LINGO2: variants seen among roughly 807,000 people sequenced by gnomAD.
The protein encoded by LINGO2 is leucine rich repeat and Ig domain containing 2, also known as leucine-rich repeat and immunoglobulin-like domain-containing nogo receptor-interacting protein 2.
LINGO2 carries 14 observed loss-of-function variants against 30.6 expected under a neutral mutation model. The ratio of observed to expected loss-of-function variants is 0.46; its 90% confidence interval spans 0.30 to 0.72. LINGO2 has a LOEUF of 0.72. Among genes scored for constraint, LINGO2 ranks in the 30% least tolerant of loss-of-function variants. The pLI, the probability that LINGO2 is intolerant of heterozygous loss-of-function variation, is 0.07. For synonymous variants in LINGO2, 317 were observed against 288.5 expected (o/e 1.10, Z -1.00); for missense variants, 729 against 751.7 (o/e 0.97, Z 0.35).
intron 3 of LINGO2, among the ~76,000 whole-genome samples, chr9:28,366,688 G>C (rs1028705307): frequency 6.6e-6 from 1 of 151,102 alleles, no homozygotes; most frequent in East Asian, 2.0e-4. Flanking sequence ...AAAAAAAAAA[G>C]AGTTACTTTC....
At chr9:28,037,685 G>A (rs1221018792) in intron 4 of LINGO2, among the ~76,000 whole-genome samples, 1 of 152,208 alleles carries the variant, frequency 6.6e-6, no homozygotes, top group Non-Finnish European at 1.5e-5. Flanking sequence ...AGCCAGAATT[G>A]CCATGGAAGG....
chr9:28,512,610 T>C (rs1820446167), intron 1 of LINGO2, among the ~76,000 whole-genome samples: 2 of 4,288 alleles, frequency 4.7e-4, no homozygotes, highest in Non-Finnish European at 3.3e-3. Context: ...TATATATATA[T>C]ATATATATAT....
At chr9:28,498,633 C>G (rs9298898) in intron 1 of LINGO2, among the ~76,000 whole-genome samples, 107,515 of 151,932 alleles carry the variant, frequency 0.71, 38,159 homozygotes, top group South Asian at 0.79. Flanking sequence ...GTCCTGCTTC[C>G]GCTCACACTC....
chr9:29,084,025 C>G, the LINGO2 span, among the ~76,000 whole-genome samples: 1 of 151,834 alleles, frequency 6.6e-6, no homozygotes, highest in Admixed American at 6.6e-5. Context: ...TGGAAGAATT[C>G]AAATAGGAAA....
chr9:28,049,161 T>A (rs144611725), intron 4 of LINGO2, among the ~76,000 whole-genome samples: 1 of 150,992 alleles, frequency 6.6e-6, no homozygotes, highest in African/African-American at 2.4e-5. Flanking sequence ...CAATGCATCA[T>A]GGGACAACAT....
At chr9:27,977,604 A>G (rs919257915) in intron 5 of LINGO2, among the ~76,000 whole-genome samples, 4 of 152,002 alleles carry the variant, frequency 2.6e-5, no homozygotes, top group African/African-American at 4.8e-5. Context: ...AGAAATAAAA[A>G]AGGAGTGTGA....
intron 4 of LINGO2, among the ~76,000 whole-genome samples, chr9:28,053,551 G>T (rs980613334): frequency 6.6e-6 from 1 of 152,056 alleles, no homozygotes; most frequent in Non-Finnish European, 1.5e-5. Flanking sequence ...CGGGATATCA[G>T]CTTGCTACAG....
the LINGO2 span, among the ~76,000 whole-genome samples, chr9:28,883,352 T>G: frequency 6.6e-6 from 1 of 151,860 alleles, no homozygotes; most frequent in South Asian, 2.1e-4. Flanking sequence ...CTTTTTAAAT[T>G]GCTGTACGTG....
chr9:28,501,733 C>A (rs1819895288), intron 1 of LINGO2, among the ~76,000 whole-genome samples: 1 of 152,014 alleles, frequency 6.6e-6, no homozygotes, highest in African/African-American at 2.4e-5. Context: ...CCAGCTGATA[C>A]TTGAAAAACG....
the LINGO2 span, among the ~76,000 whole-genome samples, chr9:29,087,254 C>T: frequency 6.6e-6 from 1 of 152,126 alleles, no homozygotes; most frequent in East Asian, 1.9e-4. Context: ...GTAAGTTCTA[C>T]AAGACTCAGT....
chr9:28,529,088 AG>A (rs1190542941), intron 1 of LINGO2, among the ~76,000 whole-genome samples: 3 of 152,132 alleles, frequency 2.0e-5, no homozygotes, highest in Non-Finnish European at 4.4e-5. Flanking sequence ...TTCTTTCTTT[AG>A]GAACTCCTGG....
intron 5 of LINGO2, among the ~76,000 whole-genome samples, chr9:27,998,270 T>C (rs1053687476): frequency 6.6e-6 from 1 of 152,186 alleles, no homozygotes; most frequent in Non-Finnish European, 1.5e-5. Context: ...CTGACTCTTT[T>C]GGAATGCTCA....
At chr9:28,620,311 AAAGT>A (rs1554646441) in intron 1 of LINGO2, among the ~76,000 whole-genome samples, 6 of 152,110 alleles carry the variant, frequency 3.9e-5, no homozygotes, top group South Asian at 4.1e-4. Flanking sequence ...AAGCAGAGTT[AAAGT>A]AAGAGTTTGA....
intron 1 of LINGO2, among the ~76,000 whole-genome samples, chr9:28,631,805 A>C (rs903792848): frequency 4.6e-5 from 7 of 152,122 alleles, no homozygotes; most frequent in African/African-American, 1.7e-4. Flanking sequence ...ATCCCTCTTG[A>C]GGCAGTTCTC....
At chr9:28,027,055 C>T (rs1025095641) in intron 4 of LINGO2, among the ~76,000 whole-genome samples, 3 of 152,194 alleles carry the variant, frequency 2.0e-5, no homozygotes, top group African/African-American at 7.2e-5. Context: ...TTCTCATTCA[C>T]TTAACAAACT....
the LINGO2 span, among the ~76,000 whole-genome samples, chr9:28,746,649 T>C: frequency 6.6e-6 from 1 of 151,986 alleles, no homozygotes; most frequent in Non-Finnish European, 1.5e-5. Context: ...CTATAAAATA[T>C]GGAGAATAAT....
the LINGO2 span, among the ~76,000 whole-genome samples, chr9:28,848,694 AGAGT>A: frequency 6.6e-6 from 1 of 151,600 alleles, no homozygotes; most frequent in African/African-American, 2.4e-5. Flanking sequence ...TGACACCATG[AGAGT>A]GAAAGGCCAA....
the LINGO2 span, among the ~76,000 whole-genome samples, chr9:28,829,515 C>T: frequency 1.3e-4 from 20 of 152,174 alleles, no homozygotes; most frequent in South Asian, 1.4e-3. Context: ...TAACATGGGA[C>T]GCACACAGAG....
chr9:28,298,724 T>G (rs967729253), intron 3 of LINGO2, among the ~76,000 whole-genome samples: 2 of 151,930 alleles, frequency 1.3e-5, no homozygotes, highest in Non-Finnish European at 2.9e-5. Flanking sequence ...TTTTCTTGTA[T>G]GTAAATTACA....
Sources: gnomAD v4.1 joint callset for allele counts (sites outside exome capture counted in the v4.1 genomes callset) on GRCh38, gnomAD v4.1.1 for gene constraint, MANE v1.5 for transcripts, NCBI Gene and HGNC (gene_info 2026-07-23, HGNC 2026-07-21) for gene names.